Variants in POMZP3 observed in about 807,000 individuals in gnomAD.
The protein encoded by POMZP3 is POM121 and ZP3 fusion, also known as POM121 and ZP3 fusion protein.
A neutral mutation model predicts 19.8 loss-of-function variants in POMZP3; 10 were observed. That is an observed-to-expected ratio of 0.51 (90% CI 0.31 to 0.86). POMZP3 has a LOEUF of 0.86. POMZP3 is among the 40% of genes least tolerant of loss of function. POMZP3 has a pLI of 0.04. For missense variants in POMZP3, 152 were observed against 228.1 expected (o/e 0.67, Z 2.15); for synonymous variants, 57 against 85.8 (o/e 0.66, Z 1.85).
intron 3 of POMZP3, among the ~76,000 whole-genome samples, chr7:76,623,487 G>C (rs1815686998): frequency 6.8e-6 from 1 of 147,194 alleles, no homozygotes; most frequent in South Asian, 2.3e-4. Flanking sequence ...GTTGCTTTGG[G>C]ATATATAAGT....
chr7:76,626,971 T>C lies in POMZP3; in HGVS notation c.-415A>G. 3 of 1,395,814 alleles carry C rather than the reference T, an allele frequency of 2.1e-6. No homozygotes were observed. Among genetic ancestry groups the C allele is most frequent in the Non-Finnish European group, 2.8e-6 (3 of 1,065,820 alleles). 86.5% of individuals were successfully genotyped at this position (1,395,814 alleles called of 1,614,324 possible). A position where few individuals can be genotyped will look rare whatever the true frequency, so the allele number is the denominator to read the frequency against. ...GGTCCGCGGCTCTAGGAGGTTTCCG[T>C]TGGCTGTCGACTTGGCCGGAGGCGA... On this transcript the variant is annotated 5_prime_UTR_variant, in exon 1 of 7. Coordinates refer to ENST00000310842, the MANE Select transcript of POMZP3 (RefSeq NM_012230.5).
At chr7:76,624,251 T>C (rs1235907197) in intron 3 of POMZP3, among the ~76,000 whole-genome samples, 2 of 143,720 alleles carry the variant, frequency 1.4e-5, no homozygotes, top group Non-Finnish European at 3.0e-5. Flanking sequence ...AGAAGGGGAT[T>C]ATTTATAAGA....
chr7:76,611,418 G>A, intron 6 of POMZP3, 36 bp downstream of exon 6: 1 of 1,528,532 alleles, frequency 6.5e-7, no homozygotes, highest in Non-Finnish European at 8.8e-7. Context: ...CTGAGTAAGG[G>A]ACAATGAACA....
At chr7:76,626,679 G>C in intron 1 of POMZP3, 29 bp downstream of exon 1, 1 of 1,380,130 alleles carries the variant, frequency 7.2e-7, no homozygotes, top group Non-Finnish European at 9.3e-7. Flanking sequence ...CGAGCCAAAG[G>C]ATGATCTGGG....
chr7:76,611,612 C>G, intron 5 of POMZP3, 21 bp from the exon 6 acceptor site: 1 of 1,590,652 alleles, frequency 6.3e-7, no homozygotes, highest in Non-Finnish European at 8.6e-7. Context: ...AGAGAAGCAG[C>G]TTAGATTTTT....
chr7:76,625,201 G>A (rs564129978), intron 3 of POMZP3, among the ~76,000 whole-genome samples: 27 of 145,678 alleles, frequency 1.9e-4, no homozygotes, highest in East Asian at 1.0e-3. Flanking sequence ...ACAAAATTCC[G>A]ACCAGAAGAC....
rs1267859308 is a variant in POMZP3 at position 76,615,991 on chromosome 7, G to C, written c.345+2192C>G. ...ACCCTCTCAAAAAAAAAAAAAAAAG[G>C]GGGGGGGGGCAGGTGGCACGTGGTG... On this transcript the variant is annotated intron_variant, in intron 4 of 6. Coordinates refer to ENST00000310842, the MANE Select transcript of POMZP3 (RefSeq NM_012230.5). Among the ~76,000 whole-genome samples the C allele has an allele frequency of 5.1e-4, 27 of 53,078 alleles. 6 individuals are homozygous for C. The East Asian group carries it at 0.011, about 22-fold the overall frequency. 34.8% of individuals were successfully genotyped at this position (53,078 alleles called of 152,430 possible).
chr7:76,625,404 G>A, intron 3 of POMZP3, 118 bp downstream of exon 3: 5 of 1,515,246 alleles, frequency 3.3e-6, no homozygotes, highest in Non-Finnish European at 3.6e-6. Context: ...GCCAAAGAAG[G>A]AGGCCTATGA....
chr7:76,619,472 T>C (rs1264189907), intron 3 of POMZP3, among the ~76,000 whole-genome samples: 1 of 151,232 alleles, frequency 6.6e-6, no homozygotes, highest in Non-Finnish European at 1.5e-5. Context: ...GTAGGGCAGT[T>C]TGCCACTTGC....
chr7:76,623,887 T>G (rs1815710426), intron 3 of POMZP3, among the ~76,000 whole-genome samples: 1 of 151,028 alleles, frequency 6.6e-6, no homozygotes, highest in Admixed American at 6.6e-5. Context: ...AGTTTTTTGT[T>G]AAATAAGAGC....
chr7:76,611,376 C>T (rs947486300), intron 6 of POMZP3, 78 bp downstream of exon 6: 10 of 1,288,878 alleles, frequency 7.8e-6, no homozygotes, highest in African/African-American at 3.1e-5. Context: ...GGGAAAATAC[C>T]ATCACCCTGA....
Position 76,616,213 on chromosome 7 carries a change from G to A in POMZP3, c.345+1970C>T, listed in dbSNP as rs556226389. Among the ~76,000 whole-genome samples the A allele has an allele frequency of 3.5e-5, 5 of 141,512 alleles. No individual in the cohort carries two copies. The East Asian group carries it at 6.2e-4, about 18-fold the overall frequency. The allele number at this position is 141,512 out of a possible 152,430, so 92.8% of individuals were successfully genotyped here. A position where few individuals can be genotyped will look rare whatever the true frequency, so the allele number is the denominator to read the frequency against. On this transcript the variant is annotated intron_variant, in intron 4 of 6. Transcript: ENST00000310842. ...GCAGGAGAATTGCTTGCACCCGGAG[G>A]CAGAGGTTGCAGTGAGCCAAGACCG...
At chr7:76,623,035 A>C (rs1056996750) in intron 3 of POMZP3, among the ~76,000 whole-genome samples, 3 of 151,232 alleles carry the variant, frequency 2.0e-5, no homozygotes, top group Non-Finnish European at 4.4e-5. Flanking sequence ...TGCCTGGCTA[A>C]TTTTCATATT....
Position 76,625,432 on chromosome 7 carries a change from G to A in POMZP3, c.227+90C>T, listed in dbSNP as rs946768378. 3 of 1,590,266 alleles carry A rather than the reference G, an allele frequency of 1.9e-6. No homozygotes were observed. The South Asian group carries it at 3.4e-5, about 18-fold the overall frequency. On this transcript the variant is annotated intron_variant, in intron 3 of 6. Transcript: ENST00000310842. ...GCCTATGAAGGCTCACAAACTGGAG[G>A]TGGCCTCTGTATCTTTACGGGAATG... is the stretch of plus-strand genomic sequence containing the variant.
chr7:76,617,698 T>G (rs1815333273), intron 4 of POMZP3, among the ~76,000 whole-genome samples: 1 of 107,008 alleles, frequency 9.3e-6, no homozygotes, highest in South Asian at 2.8e-4. Flanking sequence ...TTTTTTTTTT[T>G]TTGGAGATGG....
At chr7:76,621,153 A>T (rs1479614886) in intron 3 of POMZP3, 1 of 149,428 alleles carries the variant, frequency 6.7e-6, no homozygotes, top group Non-Finnish European at 1.5e-5. Context: ...ATCACCGGAG[A>T]CGCCAGGTGA....
At chr7:76,620,864 T>C (rs1448443866) in intron 3 of POMZP3, among the ~76,000 whole-genome samples, 7 of 44,322 alleles carry the variant, frequency 1.6e-4, no homozygotes, top group African/African-American at 9.9e-4. Flanking sequence ...TAAAGCCATT[T>C]TTTTTTTTTT....
chr7:76,621,669 G>T (rs1043296016), intron 3 of POMZP3, among the ~76,000 whole-genome samples: 12 of 151,648 alleles, frequency 7.9e-5, no homozygotes, highest in Admixed American at 2.0e-4. Context: ...GGCCGGGCGC[G>T]GTGGCTCACG....
At position 76,625,871 on chromosome 7, in the gene POMZP3, G is replaced by A. The variant is rs1476243848; in HGVS notation, c.65+129C>T. 10 of 1,427,432 alleles carry A rather than the reference G, an allele frequency of 7.0e-6. No homozygotes were observed. The African/African-American group carries it at 1.3e-4, about 18-fold the overall frequency. 88.4% of individuals were successfully genotyped at this position (1,427,432 alleles called of 1,614,324 possible). A position where few individuals can be genotyped will look rare whatever the true frequency, so the allele number is the denominator to read the frequency against. ...AAACAAACGGTTTTACTAGAATTTG[G>A]TATTTCTCATTCAAACAAGCAGATT... On this transcript the variant is annotated intron_variant, in intron 2 of 6. Transcript: ENST00000310842.
Sources: gnomAD v4.1 joint callset for allele counts (sites outside exome capture counted in the v4.1 genomes callset) on GRCh38, gnomAD v4.1.1 for gene constraint, MANE v1.5 for transcripts, NCBI Gene and HGNC (gene_info 2026-07-23, HGNC 2026-07-21) for gene names.